Variants in CPOX observed in about 807,000 individuals in gnomAD.
CPOX encodes the protein coproporphyrinogen oxidase.
A neutral mutation model predicts 48.9 loss-of-function variants in CPOX; 24 were observed. The ratio of observed to expected loss-of-function variants is 0.49; its 90% CI spans 0.36 to 0.69. CPOX has a LOEUF of 0.69. Ranked by LOEUF, CPOX falls within the 30% of genes least tolerant of loss-of-function variation. The probability of loss-of-function intolerance (pLI) is 0.00; values close to 1 mark genes in which losing one functional copy is unlikely to be tolerated. For missense variants in CPOX, 549 were observed against 597.3 expected (o/e 0.92, Z 0.84); for synonymous variants, 249 against 234.6 (o/e 1.06, Z -0.56).
the CPOX span, among the ~76,000 whole-genome samples, chr3:98,572,290 T>C: frequency 6.6e-5 from 10 of 152,214 alleles, no homozygotes; most frequent in African/African-American, 2.4e-4. Flanking sequence ...TCTTATGTTA[T>C]GCTTTTAGAT....
At chr3:98,574,212 T>C in the CPOX span, among the ~76,000 whole-genome samples, 11 of 152,226 alleles carry the variant, frequency 7.2e-5, no homozygotes, top group African/African-American at 2.7e-4. Context: ...AATTATCTAT[T>C]ACTGTTTAGC....
intron 1 of CPOX, among the ~76,000 whole-genome samples, chr3:98,592,147 A>C (rs1257376709): frequency 6.6e-6 from 1 of 152,118 alleles, no homozygotes; most frequent in East Asian, 1.9e-4. Flanking sequence ...TCTTTGCTTG[A>C]AAACATAAGA....
chr3:98,591,261 T>C, intron 1 of CPOX, 106 bp from the exon 2 acceptor site: 1 of 1,176,360 alleles, frequency 8.5e-7, no homozygotes, highest in Non-Finnish European at 1.3e-6. Flanking sequence ...ATCTTTTATA[T>C]CAGTGTATTT....
intron 4 of CPOX, 28 bp downstream of exon 4, chr3:98,588,681 TGGGG>T: frequency 1.2e-6 from 2 of 1,612,956 alleles, no homozygotes; most frequent in Non-Finnish European, 1.7e-6. Context: ...AATGTAATTT[TGGGG>T]TCATGAAAGT....
At chr3:98,590,358 AG>A in intron 3 of CPOX, among the ~76,000 whole-genome samples, 1 of 152,360 alleles carries the variant, frequency 6.6e-6, no homozygotes, top group African/African-American at 2.4e-5. Flanking sequence ...CATGTTGGCC[AG>A]GCTGGTCTCA....
chr3:98,576,854 A>G (rs1350660534), downstream of CPOX, among the ~76,000 whole-genome samples: 1 of 152,184 alleles, frequency 6.6e-6, no homozygotes, highest in Admixed American at 6.5e-5. Flanking sequence ...ATATTGCAAA[A>G]CAGTGTTGGA....
In CPOX at chr3:98,580,757, G is replaced by A; in HGVS notation, c.1291C>T (p.His431Tyr). 6.2e-7 allele frequency: 1 copy of A among 1,613,776 alleles called. No homozygotes were observed. Among genetic ancestry groups the A allele is most frequent in the Non-Finnish European group, 8.5e-7 (1 of 1,179,908 alleles). The change falls in exon 7 of 7, where the codon CAT (histidine) becomes TAT (tyrosine). Residue 431 changes from histidine (H) to tyrosine (Y), a missense_variant. His to Tyr is a moderately conservative substitution (Grantham distance 83, BLOSUM62 2). Around this residue, in one of 2 missense-constraint regions of CPOX, gnomAD observed 213 missense variants for 279.1 expected, o/e 0.76. Transcript: ENST00000647941. ...LPLTARWEYM[H>Y]SPSENSKEAE... ...TCTTTGGAATTCTCTGAGGGTGAAT[G>A]CATGTACTCCCATCTATGCATGTCC...
At chr3:98,578,781 T>C (rs763656617), downstream of CPOX, among the ~76,000 whole-genome samples, 3 of 152,252 alleles carry the variant, frequency 2.0e-5, no homozygotes, top group Admixed American at 6.5e-5. Flanking sequence ...TTCCTTTTCA[T>C]TGCTTAGTAT....
intron 3 of CPOX, 96 bp from the exon 4 acceptor site, chr3:98,588,950 G>A: frequency 7.2e-7 from 1 of 1,390,662 alleles, no homozygotes; most frequent in East Asian, 2.4e-5. Context: ...AATTTTTTCA[G>A]CATAAAATGG....
chr3:98,583,812 C>T (rs1024168883), intron 5 of CPOX, among the ~76,000 whole-genome samples: 1 of 152,098 alleles, frequency 6.6e-6, no homozygotes, highest in Non-Finnish European at 1.5e-5. Context: ...GTCATGACTG[C>T]AGTATTAGAA....
chr3:98,581,524 C>T lies in CPOX; in HGVS notation c.1173-13G>A. Reference sequence around the variant, plus strand: ...AAATTCTACATACCTGCCATAAATACATCAAATAACATTAAGGGCCAGCTC... The same window carrying T: ...AAATTCTACATACCTGCCATAAATATATCAAATAACATTAAGGGCCAGCTC... On this transcript the variant is annotated splice_polypyrimidine_tract_variant and intron_variant, in intron 5 of 6. Transcript: ENST00000647941. The T allele has an allele frequency of 6.4e-7, 1 of 1,572,896 alleles. No homozygotes were observed. Among genetic ancestry groups the T allele is most frequent in the Non-Finnish European group, 8.8e-7 (1 of 1,142,478 alleles).
chr3:98,582,114 T>C (rs1257001824), intron 5 of CPOX, among the ~76,000 whole-genome samples: 2 of 152,166 alleles, frequency 1.3e-5, no homozygotes, highest in Non-Finnish European at 2.9e-5. Context: ...TAATAAAAGG[T>C]AGTGTTGAGT....
At position 98,585,604 on chromosome 3, in the gene CPOX, T is replaced by C. The variant is rs751038412; in HGVS notation, c.1009A>G (p.Ile337Val). ...GGAGAGTCAAGATCATCAAAAAAGA[T>C]ACCACCAATGCCCCGCCGTTCTCCA... is the stretch of plus-strand genomic sequence containing the variant. ...HRGERRGIGG[I>V]FFDDLDSPSK... is the part of the protein sequence containing the mutation. Residue 337 changes from isoleucine (I) to valine (V), a missense_variant, in exon 5 of 7, where the codon ATC becomes GTC. Around this residue, in one of 2 missense-constraint regions of CPOX, gnomAD observed 213 missense variants for 279.1 expected, o/e 0.76. Coordinates refer to ENST00000647941, the MANE Select transcript of CPOX (RefSeq NM_000097.7). 1.5e-5 allele frequency: 25 copies of C among 1,613,928 alleles called. No homozygotes were observed. In the Admixed American group the frequency reaches 2.3e-4, roughly 15 times the overall value.
Position 98,579,756 on chromosome 3 carries a change from C to T in CPOX, c.*927G>A, listed in dbSNP as rs7103. ...TCAATGTGTCCATTTTCCTAAGAAACGTGTGTATGAAATGCCTCCAAGTTT... is the reference window on the plus strand; with the variant it reads ...TCAATGTGTCCATTTTCCTAAGAAATGTGTGTATGAAATGCCTCCAAGTTT... On this transcript the variant is annotated 3_prime_UTR_variant, in exon 7 of 7. Transcript: ENST00000647941. 346,686 of 984,446 alleles carry T rather than the reference C, an allele frequency of 0.35. 62,131 individuals are homozygous for T. The highest frequency in any genetic ancestry group is 0.44 in the Middle Eastern group (835 of 1,912). 61.0% of individuals were successfully genotyped at this position (984,446 alleles called of 1,614,324 possible).
downstream of CPOX, among the ~76,000 whole-genome samples, chr3:98,575,393 TTGAA>T (rs1376178772): frequency 2.6e-5 from 4 of 152,234 alleles, no homozygotes; most frequent in African/African-American, 4.8e-5. Context: ...AAAATACTGT[TTGAA>T]TGAGCTTAAG....
At chr3:98,585,999 A>G in intron 4 of CPOX, 1 of 339,426 alleles carries the variant, frequency 2.9e-6, no homozygotes. Flanking sequence ...CAGCGTCCCA[A>G]GTAGCTGGGA....
At chr3:98,577,129 G>T (rs191643187), downstream of CPOX, among the ~76,000 whole-genome samples, 311 of 152,154 alleles carry the variant, frequency 2.0e-3, 4 homozygotes, top group African/African-American at 7.0e-3. Flanking sequence ...CTGAGAAAAG[G>T]CCAGAGGGGA....
downstream of CPOX, chr3:98,579,401 T>A: frequency 4.8e-6 from 3 of 619,764 alleles, no homozygotes; most frequent in Non-Finnish European, 6.0e-6. Context: ...AAGAAATATA[T>A]GCGTTTTCCT....
chr3:98,591,067 TG>T lies in CPOX; in HGVS notation c.644del (p.Ser215Ter). The T allele has an allele frequency of 6.2e-7, 1 of 1,614,176 alleles. No individual in the cohort carries two copies. Among genetic ancestry groups the T allele is most frequent in the Non-Finnish European group, 8.5e-7 (1 of 1,180,004 alleles). Reference protein sequence around the residue: ...VSISVVHGNLSEEAAKQMRSR... With the variant: ...VSISVVHGNLXEEAAKQMRSR... Reference sequence around the variant, plus strand: ...TTCTCATTTGTTTTGCAGCTTCCTCTGAAAGATTTCCATGAACAACAGAAAT... The same window carrying T: ...TTCTCATTTGTTTTGCAGCTTCCTCTAAAGATTTCCATGAACAACAGAAAT... On this transcript the variant is annotated frameshift_variant, in exon 2 of 7. Transcript: ENST00000647941. LOFTEE classifies it high-confidence loss of function.
Sources: gnomAD v4.1 joint callset for allele counts (sites outside exome capture counted in the v4.1 genomes callset) on GRCh38, gnomAD v4.1.1 for gene constraint, gnomAD v4.1.1 regional missense constraint, MANE v1.5 for transcripts, NCBI Gene and HGNC (gene_info 2026-07-23, HGNC 2026-07-21) for gene names.